Variants in VPS13B observed in about 807,000 individuals in gnomAD.
VPS13B encodes vacuolar protein sorting 13 homolog B, also known as intermembrane lipid transfer protein VPS13B.
VPS13B carries 285 observed loss-of-function variants against 426.4 expected under a neutral mutation model. The observed-to-expected ratio is 0.67, with a 90% CI of 0.61 to 0.74. VPS13B has a LOEUF of 0.74. VPS13B is among the 30% of genes least tolerant of loss of function. VPS13B has a pLI of 0.00. For synonymous variants in VPS13B, 1,676 were observed against 1,676.4 expected, an observed-to-expected ratio of 1.00 and a Z score of 0.01; for missense variants, 4,537 against 4,782.6, an observed-to-expected ratio of 0.95 and a Z score of 1.51.
intron 27 of VPS13B, 150 bp from the exon 28 acceptor site, chr8:99,506,987 T>C: frequency 1.3e-6 from 1 of 779,694 alleles, no homozygotes. Context: ...GGTGCTAATG[T>C]AAATTGTTCT....
chr8:99,014,650 G>C (rs1841517019), intron 2 of VPS13B, among the ~76,000 whole-genome samples: 1 of 147,442 alleles, frequency 6.8e-6, no homozygotes, highest in East Asian at 2.0e-4. Flanking sequence ...TTGAAAGCCA[G>C]CAGGAAGGGT....
intron 35 of VPS13B, among the ~76,000 whole-genome samples, chr8:99,663,440 A>G (rs373728157): frequency 9.8e-5 from 15 of 152,360 alleles, no homozygotes; most frequent in Non-Finnish European, 1.3e-4. Context: ...AAGTGTAGGA[A>G]GAAGCCTTTG....
chr8:99,417,888 T>C (rs113420563), intron 21 of VPS13B, among the ~76,000 whole-genome samples: 229 of 152,252 alleles, frequency 1.5e-3, no homozygotes, highest in African/African-American at 5.1e-3. Flanking sequence ...TCCTGCAAAT[T>C]ATGGAGGAGA....
chr8:99,624,809 T>C (rs75806444), intron 33 of VPS13B, among the ~76,000 whole-genome samples: 2 of 48,170 alleles, frequency 4.2e-5, no homozygotes, highest in Non-Finnish European at 9.8e-5. Flanking sequence ...CTTATTTTGC[T>C]TTTTTTTTTT....
intron 58 of VPS13B, among the ~76,000 whole-genome samples, chr8:99,867,269 G>T (rs772990016): frequency 6.6e-6 from 1 of 152,082 alleles, no homozygotes; most frequent in African/African-American, 2.4e-5. Flanking sequence ...AATCAGAATG[G>T]TAAGACTTTT....
chr8:99,069,795 G>A (rs556575507), intron 3 of VPS13B, among the ~76,000 whole-genome samples: 1 of 152,066 alleles, frequency 6.6e-6, no homozygotes. Flanking sequence ...ACTTTAGAGC[G>A]CATATAGTTT....
At chr8:99,695,550 G>T (rs1280584217) in intron 35 of VPS13B, among the ~76,000 whole-genome samples, 2 of 110,164 alleles carry the variant, frequency 1.8e-5, no homozygotes, top group African/African-American at 7.0e-5. Flanking sequence ...GACTGTGGTG[G>T]GGTGGGGGGA....
intron 40 of VPS13B, among the ~76,000 whole-genome samples, chr8:99,769,539 A>C (rs1235100169): frequency 6.6e-6 from 1 of 152,228 alleles, no homozygotes; most frequent in Non-Finnish European, 1.5e-5. Flanking sequence ...ATTGGACATT[A>C]CTGGAAGAAA....
chr8:99,622,665 G>A (rs145555399), intron 33 of VPS13B, among the ~76,000 whole-genome samples: 188 of 152,292 alleles, frequency 1.2e-3, no homozygotes, highest in African/African-American at 4.3e-3. Context: ...TATGCAGTTA[G>A]CATGTTCAGA....
At chr8:99,156,788 T>C (rs1452013144) in intron 15 of VPS13B, 45 bp downstream of exon 15, 4 of 1,598,994 alleles carry the variant, frequency 2.5e-6, no homozygotes, top group Admixed American at 1.7e-5. Flanking sequence ...GGTTTGGCTT[T>C]GGGATCATCA....
chr8:99,153,140 C>T (rs963052522), intron 14 of VPS13B, among the ~76,000 whole-genome samples: 5 of 152,174 alleles, frequency 3.3e-5, no homozygotes, highest in African/African-American at 9.6e-5. Flanking sequence ...ACTTGCACTC[C>T]AGCCTGGGTG....
At chr8:99,278,982 G>A (rs1014203564) in intron 19 of VPS13B, among the ~76,000 whole-genome samples, 1 of 152,234 alleles carries the variant, frequency 6.6e-6, no homozygotes, top group Non-Finnish European at 1.5e-5. Context: ...TCTTAGGTTT[G>A]TGTAGATACA....
Position 99,391,705 on chromosome 8 carries a change from G to A in VPS13B, c.3082+1G>A. The stretch of plus-strand genomic sequence containing the variant: ...CCTGTAAAAACAAAAACGGTAACAG[G>A]TATGTGTCAAGTACTGTAAAGGGAC... On this transcript the variant is annotated splice_donor_variant, in intron 21 of 61. Coordinates refer to ENST00000357162, the MANE Select transcript of VPS13B (RefSeq NM_152564.5). LOFTEE classifies it high-confidence loss of function. 6.2e-7 allele frequency: 1 copy of A among 1,613,914 alleles called. No homozygotes were observed. Among genetic ancestry groups the A allele is most frequent in the Non-Finnish European group, 8.5e-7 (1 of 1,179,916 alleles).
At chr8:99,248,032 TA>T (rs978681741) in intron 17 of VPS13B, among the ~76,000 whole-genome samples, 3 of 152,194 alleles carry the variant, frequency 2.0e-5, no homozygotes, top group African/African-American at 7.2e-5. Context: ...AGGTGCTTTT[TA>T]TATGAGGCTT....
At chr8:99,829,570 T>G (rs1427895634) in intron 51 of VPS13B, among the ~76,000 whole-genome samples, 2 of 152,230 alleles carry the variant, frequency 1.3e-5, no homozygotes, top group African/African-American at 2.4e-5. Flanking sequence ...GACTTTGTTA[T>G]TACCCACCTT....
At chr8:99,091,187 GA>G (rs1473007582) in intron 3 of VPS13B, among the ~76,000 whole-genome samples, 1 of 152,136 alleles carries the variant, frequency 6.6e-6, no homozygotes, top group Non-Finnish European at 1.5e-5. Flanking sequence ...AGTCATCTGG[GA>G]AAATGACTCT....
chr8:99,765,591 G>T (rs1427740142), intron 39 of VPS13B, among the ~76,000 whole-genome samples: 1 of 152,192 alleles, frequency 6.6e-6, no homozygotes, highest in Non-Finnish European at 1.5e-5. Flanking sequence ...TGTTTTCATT[G>T]GTTCCCCTTG....
chr8:99,246,895 G>C (rs1817252409), intron 17 of VPS13B, among the ~76,000 whole-genome samples: 1 of 151,748 alleles, frequency 6.6e-6, no homozygotes, highest in African/African-American at 2.4e-5. Flanking sequence ...ATTATCATCA[G>C]TTTTGCACAT....
chr8:99,142,648 CT>C (rs747846062), intron 12 of VPS13B, among the ~76,000 whole-genome samples: 105 of 152,256 alleles, frequency 6.9e-4, no homozygotes, highest in Middle Eastern at 3.4e-3. Flanking sequence ...AGTACCCCCT[CT>C]CAGTCAATGC....
Sources: allele counts gnomAD v4.1 joint callset (sites outside exome capture counted in the v4.1 genomes callset), GRCh38; gene constraint gnomAD v4.1.1; transcripts MANE v1.5; gene names NCBI Gene and HGNC (gene_info 2026-07-23, HGNC 2026-07-21).